The following BICC1 variants were observed in gnomAD, a reference collection of about 807,000 sequenced individuals.
BICC1 encodes the protein protein bicaudal C homolog 1.
In BICC1, 43 loss-of-function variants were observed where a neutral mutation model predicts 111.0. The observed-to-expected ratio is 0.39, with a 90% confidence interval of 0.30 to 0.50. The LOEUF is 0.50. Ranked by LOEUF, BICC1 falls within the 20% of genes least tolerant of loss-of-function variation. The pLI is 0.88. For synonymous variants in BICC1, 467 were observed against 434.4 expected (o/e 1.07, Z -0.93); for missense variants, 1,091 against 1,203.2 (o/e 0.91, Z 1.38).
intron 1 of BICC1, among the ~76,000 whole-genome samples, chr10:58,593,055 G>A (rs1261210823): frequency 1.3e-5 from 2 of 151,840 alleles, no homozygotes; most frequent in Admixed American, 6.6e-5. Context: ...GGGGAGGGGT[G>A]TCCTCAGCAA....
At chr10:58,530,821 A>G (rs962911599) in intron 1 of BICC1, among the ~76,000 whole-genome samples, 4 of 151,864 alleles carry the variant, frequency 2.6e-5, no homozygotes, top group Non-Finnish European at 5.9e-5. Context: ...GAGATTACAA[A>G]AATAAGCCTG....
intron 3 of BICC1, among the ~76,000 whole-genome samples, chr10:58,739,611 TCTC>T (rs2132596510): frequency 6.6e-6 from 1 of 152,280 alleles, no homozygotes; most frequent in Non-Finnish European, 1.5e-5. Flanking sequence ...ATAATATTTT[TCTC>T]CTCATTTGTT....
At chr10:58,646,820 A>G (rs1005590854) in intron 2 of BICC1, among the ~76,000 whole-genome samples, 1 of 152,120 alleles carries the variant, frequency 6.6e-6, no homozygotes, top group Non-Finnish European at 1.5e-5. Flanking sequence ...ACTACAGTCA[A>G]TTTTAGGGGG....
chr10:58,541,640 C>A (rs1842985508), intron 1 of BICC1, among the ~76,000 whole-genome samples: 1 of 151,968 alleles, frequency 6.6e-6, no homozygotes, highest in African/African-American at 2.4e-5. Context: ...CCAAACCAAT[C>A]TACAGATTCA....
intron 2 of BICC1, among the ~76,000 whole-genome samples, chr10:58,683,570 G>A (rs986245559): frequency 2.0e-5 from 3 of 152,178 alleles, no homozygotes; most frequent in African/African-American, 7.2e-5. Flanking sequence ...GCAGTGGTTT[G>A]TAATTCTCCT....
chr10:58,738,409 A>C (rs991903457), intron 3 of BICC1, among the ~76,000 whole-genome samples: 2 of 151,780 alleles, frequency 1.3e-5, no homozygotes, highest in African/African-American at 4.8e-5. Flanking sequence ...GATATGCGGC[A>C]TTGTTTCTGA....
chr10:58,752,042 G>A (rs1842004664), intron 3 of BICC1, among the ~76,000 whole-genome samples: 1 of 152,034 alleles, frequency 6.6e-6, no homozygotes, highest in African/African-American at 2.4e-5. Context: ...AACTTCTACA[G>A]TTTTTCTTAT....
intron 1 of BICC1, among the ~76,000 whole-genome samples, chr10:58,542,150 C>CAAA (rs149049552): frequency 0.035 from 2,827 of 81,936 alleles, 91 homozygotes; most frequent in African/African-American, 0.1. Context: ...GACCCTGTCT[C>CAAA]AAAAAAAAAA....
chr10:58,644,004 A>C (rs1211668035), intron 2 of BICC1, among the ~76,000 whole-genome samples: 1 of 152,124 alleles, frequency 6.6e-6, no homozygotes, highest in Non-Finnish European at 1.5e-5. Context: ...GTGTGCTAAT[A>C]TGACTTAAAT....
At chr10:58,771,481 T>C (rs967558250) in intron 3 of BICC1, among the ~76,000 whole-genome samples, 1 of 151,974 alleles carries the variant, frequency 6.6e-6, no homozygotes, top group East Asian at 1.9e-4. Context: ...TAGCATGTAA[T>C]AGGCCTTTTA....
chr10:58,615,084 G>A (rs1318549392), intron 1 of BICC1, among the ~76,000 whole-genome samples: 2 of 151,690 alleles, frequency 1.3e-5, no homozygotes, highest in African/African-American at 2.4e-5. Context: ...GTGCCCCCCC[G>A]AGACACTTTT....
intron 1 of BICC1, among the ~76,000 whole-genome samples, chr10:58,593,381 C>G (rs1178271823): frequency 6.6e-6 from 1 of 152,176 alleles, no homozygotes; most frequent in African/African-American, 2.4e-5. Flanking sequence ...GCACAGTGTT[C>G]AAGCTCTGCT....
Position 58,793,661 on chromosome 10 carries a change from G to A in BICC1, c.1179+46G>A. The A allele has an allele frequency of 1.3e-6, 2 of 1,591,704 alleles. 1 individual carries two copies. Among genetic ancestry groups the A allele is most frequent in the East Asian group, 4.5e-5 (2 of 44,566 alleles). ...CAGAGAATTATGTATCATATCATAT[G>A]CTGTATAGTTTTATTTTGCATAGAA... On this transcript the variant is annotated intron_variant, in intron 9 of 20. Transcript: ENST00000373886.
chr10:58,755,317 C>T (rs756858740), intron 3 of BICC1, among the ~76,000 whole-genome samples: 1 of 152,110 alleles, frequency 6.6e-6, no homozygotes. Context: ...CTTTTGGTCA[C>T]CTTAGGGGAA....
chr10:58,533,751 G>A (rs1223055096), intron 1 of BICC1, among the ~76,000 whole-genome samples: 1 of 151,754 alleles, frequency 6.6e-6, no homozygotes, highest in Non-Finnish European at 1.5e-5. Context: ...GAAATATAAA[G>A]CTCTCTGGTG....
intron 13 of BICC1, 122 bp from the exon 14 acceptor site, chr10:58,800,768 T>C: frequency 1.0e-6 from 1 of 966,000 alleles, no homozygotes; most frequent in South Asian, 2.2e-5. Flanking sequence ...ATGGAAGAGG[T>C]CTCTGTCAGG....
chr10:58,718,791 C>T (rs1468527223), intron 3 of BICC1, among the ~76,000 whole-genome samples: 35 of 138,796 alleles, frequency 2.5e-4, no homozygotes, highest in African/African-American at 1.0e-3. Flanking sequence ...CGCGTGCGCA[C>T]GCCCGCGTGC....
chr10:58,562,302 C>G (rs1843627576), intron 1 of BICC1, among the ~76,000 whole-genome samples: 1 of 151,420 alleles, frequency 6.6e-6, no homozygotes, highest in African/African-American at 2.4e-5. Flanking sequence ...ATTGTTTTTT[C>G]TTTTTATTTT....
chr10:58,718,571 G>A lies in BICC1; in HGVS notation c.307+16428G>A, dbSNP rs148321038. 4.7e-4 allele frequency among the ~76,000 whole-genome samples: 72 copies of A among 152,124 alleles called. No individual in the cohort carries two copies. In the East Asian group the frequency reaches 0.012, roughly 26 times the overall value. On this transcript the variant is annotated intron_variant, in intron 3 of 20. Transcript: ENST00000373886. ...CCTCGCCACCAATGCTTATTTACAA[G>A]TAATTGATGGATAATTTCTATATCA...
Sources: allele counts gnomAD v4.1 joint callset (sites outside exome capture counted in the v4.1 genomes callset), GRCh38; gene constraint gnomAD v4.1.1; transcripts MANE v1.5; gene names NCBI Gene and HGNC (gene_info 2026-07-23, HGNC 2026-07-21).